The following SRSF6 variants were observed in gnomAD, a reference collection of about 807,000 sequenced individuals.
SRSF6 encodes the protein serine and arginine rich splicing factor 6.
Under a neutral mutation model 42.0 loss-of-function variants are expected in SRSF6, and 17 were observed. The observed-to-expected ratio is 0.40, with a 90% confidence interval of 0.28 to 0.61. SRSF6 has a LOEUF of 0.61. Among genes scored for constraint, SRSF6 ranks in the 20% least tolerant of loss-of-function variants. The pLI is 0.37. For synonymous variants in SRSF6, 204 were observed against 166.7 expected (o/e 1.22, Z -1.72); for missense variants, 379 against 471.4 (o/e 0.80, Z 1.81).
At chr20:43,459,690 G>A (rs2017552753) in intron 2 of SRSF6, 81 bp from the exon 3 acceptor site, 3 of 1,591,746 alleles carry the variant, frequency 1.9e-6, no homozygotes, top group Non-Finnish European at 2.6e-6. Flanking sequence ...AATAAAAGTT[G>A]ATATGTTTGT....
Position 43,457,979 on chromosome 20 carries a change from T to C in SRSF6, c.-55T>C. On this transcript the variant is annotated 5_prime_UTR_variant, in exon 1 of 6. Coordinates refer to ENST00000244020, the MANE Select transcript of SRSF6 (RefSeq NM_006275.6). Reference sequence around the variant, plus strand: ...GTCCCCGCACCCGCACCGCGGTTACTGGCTTGCGGTCCGCCGTTCGACAAC... The same window carrying C: ...GTCCCCGCACCCGCACCGCGGTTACCGGCTTGCGGTCCGCCGTTCGACAAC... 5 of 1,468,486 alleles carry C rather than the reference T, an allele frequency of 3.4e-6. 1 individual carries two copies. In the South Asian group the frequency reaches 4.7e-5, roughly 14 times the overall value. The allele number at this position is 1,468,486 out of a possible 1,614,324, so 91.0% of individuals were successfully genotyped here.
rs535197951 is a variant in SRSF6, at chr20:43,457,926, G to T, written c.-108G>T. ...GTGGCTGGACTCGGCCGCCCCTGTGGTGTGAGGCGCGTGTTCGGGCTCTTG... is the reference window on the plus strand; with the variant it reads ...GTGGCTGGACTCGGCCGCCCCTGTGTTGTGAGGCGCGTGTTCGGGCTCTTG... On this transcript the variant is annotated 5_prime_UTR_variant, in exon 1 of 6. Transcript: ENST00000244020. 1.4e-5 allele frequency: 13 copies of T among 919,700 alleles called. No homozygotes were observed. The highest frequency in any genetic ancestry group is 2.9e-5 in the South Asian group (2 of 68,054). 57.0% of individuals were successfully genotyped at this position (919,700 alleles called of 1,614,324 possible).
chr20:43,463,391 T>TG lies in SRSF6; in HGVS notation c.*2330dup, dbSNP rs1036972686. On this transcript the variant is annotated 3_prime_UTR_variant, in exon 6 of 6. Coordinates refer to ENST00000244020, the MANE Select transcript of SRSF6 (RefSeq NM_006275.6). ...GACATGCTCCATACCAGTGGCTAGA[T>TG]GGAGTATTAAGGTGGAGCAGAAAAG... 1.3e-5 allele frequency: 2 copies of TG among 154,842 alleles called. No homozygotes were observed. The highest frequency in any genetic ancestry group is 4.8e-5 in the African/African-American group (2 of 41,536). The allele number at this position is 154,842 out of a possible 1,614,324, so 9.6% of individuals were successfully genotyped here. A position where few individuals can be genotyped will look rare whatever the true frequency, so the allele number is the denominator to read the frequency against.
In SRSF6 at chr20:43,463,559, C is replaced by T. The variant is rs2145328795; in HGVS notation, c.*2496C>T. Reference sequence around the variant, plus strand: ...GTTACCACCTTCCTCCCGATTTGTTCACCTATTTTGTGCTTTAAATCTCAA... The same window carrying T: ...GTTACCACCTTCCTCCCGATTTGTTTACCTATTTTGTGCTTTAAATCTCAA... On this transcript the variant is annotated 3_prime_UTR_variant, in exon 6 of 6. Transcript: ENST00000244020. The T allele has an allele frequency of 6.5e-6, 1 of 152,890 alleles. No individual in the cohort carries two copies. The highest frequency in any genetic ancestry group is 1.9e-4 in the East Asian group (1 of 5,186). 9.5% of individuals were successfully genotyped at this position (152,890 alleles called of 1,614,324 possible).
chr20:43,460,412 A>G lies in SRSF6; in HGVS notation c.591-103A>G, dbSNP rs553767359. 2.7e-4 allele frequency: 368 copies of G among 1,381,564 alleles called. 7 individuals carry two copies. The South Asian group carries it at 4.3e-3, about 16-fold the overall frequency. The allele number at this position is 1,381,564 out of a possible 1,614,324, so 85.6% of individuals were successfully genotyped here. A position where few individuals can be genotyped will look rare whatever the true frequency, so the allele number is the denominator to read the frequency against. Reference sequence around the variant, plus strand: ...TTTTGAACAGTGTATTTAATTTCGTAGTAAAGAAAAACATTATTCTTTGGC... The same window carrying G: ...TTTTGAACAGTGTATTTAATTTCGTGGTAAAGAAAAACATTATTCTTTGGC... On this transcript the variant is annotated intron_variant, in intron 4 of 5. Transcript: ENST00000244020.
Position 43,457,958 on chromosome 20 carries a change from C to T in SRSF6, c.-76C>T, listed in dbSNP as rs1354212619. 23 of 1,286,256 alleles carry T rather than the reference C, an allele frequency of 1.8e-5. No individual in the cohort carries two copies. Among genetic ancestry groups the T allele is most frequent in the Non-Finnish European group, 2.3e-5 (21 of 905,862 alleles). 79.7% of individuals were successfully genotyped at this position (1,286,256 alleles called of 1,614,324 possible). ...GCGCGTGTTCGGGCTCTTGCCGTCCCCGCACCCGCACCGCGGTTACTGGCT... is the reference window on the plus strand; with the variant it reads ...GCGCGTGTTCGGGCTCTTGCCGTCCTCGCACCCGCACCGCGGTTACTGGCT... On this transcript the variant is annotated 5_prime_UTR_variant, in exon 1 of 6. Coordinates refer to ENST00000244020, the MANE Select transcript of SRSF6 (RefSeq NM_006275.6).
chr20:43,458,406 C>T lies in SRSF6; in HGVS notation c.153C>T (p.Ala51=), dbSNP rs2017533961. Residue 51 remains alanine, a synonymous_variant, in exon 2 of 6, where the codon GCC becomes GCT. Transcript: ENST00000244020. ...EFEDSRDADD[A]VYELNGKELC... ...AGGACTCCCGCGACGCCGACGACGCCGTTTACGAGCTGAACGGCAAGGAGC... is the reference window on the plus strand; with the variant it reads ...AGGACTCCCGCGACGCCGACGACGCTGTTTACGAGCTGAACGGCAAGGAGC... The T allele has an allele frequency of 6.4e-7, 1 of 1,554,490 alleles. No homozygotes were observed. The highest frequency in any genetic ancestry group is 8.7e-7 in the Non-Finnish European group (1 of 1,154,310).
chr20:43,459,102 G>A (rs1454062151), intron 2 of SRSF6: 23 of 1,342,694 alleles, frequency 1.7e-5, no homozygotes, highest in Non-Finnish European at 2.1e-5. Context: ...TTAAATTGTT[G>A]CATGTTGAAT....
At chr20:43,458,823 T>G (rs1568899753) in intron 2 of SRSF6, among the ~76,000 whole-genome samples, 1 of 150,676 alleles carries the variant, frequency 6.6e-6, no homozygotes, top group East Asian at 2.0e-4. Context: ...TTCTCCTTAC[T>G]TACCTATCAG....
chr20:43,458,751 C>T (rs889785532), intron 2 of SRSF6, among the ~76,000 whole-genome samples: 2 of 152,140 alleles, frequency 1.3e-5, no homozygotes, highest in Non-Finnish European at 1.5e-5. Context: ...CTTCTGGCCC[C>T]TTGTCAGCAC....
Position 43,458,042 on chromosome 20 carries a change from C to T in SRSF6, c.9C>T (p.Arg3=), listed in dbSNP as rs1437105286. 4.3e-6 allele frequency: 7 copies of T among 1,612,222 alleles called. No homozygotes were observed. In the African/African-American group the frequency reaches 5.4e-5, roughly 12 times the overall value. The change falls in exon 1 of 6, where the codon CGC becomes CGT. Residue 3 remains arginine (R), a synonymous_variant. Transcript: ENST00000244020. MP[R]VYIGRLSYNV... Reference sequence around the variant, plus strand: ...CCCCGCCCGCCACGGACATGCCGCGCGTCTACATAGGACGCCTGAGCTACA... The same window carrying T: ...CCCCGCCCGCCACGGACATGCCGCGTGTCTACATAGGACGCCTGAGCTACA...
At chr20:43,458,784 G>A (rs377536529) in intron 2 of SRSF6, among the ~76,000 whole-genome samples, 1 of 151,784 alleles carries the variant, frequency 6.6e-6, no homozygotes, top group South Asian at 2.1e-4. Context: ...TTCCCACAGA[G>A]GAAGTAAGGG....
At chr20:43,458,186 G>A in intron 1 of SRSF6, 46 bp downstream of exon 1, 1 of 1,585,054 alleles carries the variant, frequency 6.3e-7, no homozygotes. Flanking sequence ...AGGCCTGGTG[G>A]CGGCGGGAAC....
In SRSF6 at chr20:43,461,337, G is replaced by GTTTTTTTTTTTTTTTTTTTTTTTTTTTT. The variant is rs57110045; in HGVS notation, c.*284_*311dup. The GTTTTTTTTTTTTTTTTTTTTTTTTTTTT allele has an allele frequency of 2.5e-4, 11 of 43,768 alleles. No homozygotes were observed. The highest frequency in any genetic ancestry group is 8.2e-4 in the African/African-American group (10 of 12,192). 2.7% of individuals were successfully genotyped at this position (43,768 alleles called of 1,614,324 possible). ...GTAAAGATTAAGCTCATTTAGTGTT[G>GTTTTTTTTTTTTTTTTTTTTTTTTTTTT]TTTTTTTTTTTTTTTTTTTTTTTTT... On this transcript the variant is annotated 3_prime_UTR_variant, in exon 6 of 6. Transcript: ENST00000244020.
chr20:43,459,001 C>G (rs534958123), intron 2 of SRSF6, among the ~76,000 whole-genome samples: 1 of 152,034 alleles, frequency 6.6e-6, no homozygotes, highest in Non-Finnish European at 1.5e-5. Context: ...CAAAGTAGAT[C>G]TAAATAAGCT....
At chr20:43,458,210 A>T in intron 1 of SRSF6, 70 bp downstream of exon 1, 3 of 1,531,396 alleles carry the variant, frequency 2.0e-6, no homozygotes, top group Non-Finnish European at 1.8e-6. Context: ...CCAAGGAAAG[A>T]AGCGGCCAAG....
chr20:43,458,529 G>T lies in SRSF6; in HGVS notation c.256+20G>T, dbSNP rs1276370889. ...GCCGCAGTGAGTCCCACCCCCGCGC[G>T]CTCCGCGCCCTTGGGGACCCTGGGG... On this transcript the variant is annotated intron_variant, in intron 2 of 5. Transcript: ENST00000244020. 1.4e-6 allele frequency: 2 copies of T among 1,476,710 alleles called. No individual in the cohort carries two copies. Among genetic ancestry groups the T allele is most frequent in the African/African-American group, 1.5e-5 (1 of 67,748 alleles). The allele number at this position is 1,476,710 out of a possible 1,614,324, so 91.5% of individuals were successfully genotyped here. A position where few individuals can be genotyped will look rare whatever the true frequency, so the allele number is the denominator to read the frequency against.
chr20:43,461,367 T>A lies in SRSF6; in HGVS notation c.*304T>A. On this transcript the variant is annotated 3_prime_UTR_variant, in exon 6 of 6. Coordinates refer to ENST00000244020, the MANE Select transcript of SRSF6 (RefSeq NM_006275.6). ...TTTTTTTTTTTTTTTTTTTTTTTTT[T>A]TTTTTTTAGTATTTCAGCAGGATCT... 3 of 177,004 alleles carry A rather than the reference T, an allele frequency of 1.7e-5. No individual in the cohort carries two copies. Among genetic ancestry groups the A allele is most frequent in the Non-Finnish European group, 2.1e-5 (2 of 96,568 alleles). The allele number at this position is 177,004 out of a possible 1,614,324, so 11.0% of individuals were successfully genotyped here. A position where few individuals can be genotyped will look rare whatever the true frequency, so the allele number is the denominator to read the frequency against.
chr20:43,461,344 T>TTTTTTTTTTTTTTTTAGTA lies in SRSF6; in HGVS notation c.*296_*297insAGTATTTTTTTTTTTTTTT, dbSNP rs2017592480. On this transcript the variant is annotated 3_prime_UTR_variant, in exon 6 of 6. Transcript: ENST00000244020. The stretch of plus-strand genomic sequence containing the variant: ...TTAAGCTCATTTAGTGTTGTTTTTT[T>TTTTTTTTTTTTTTTTAGTA]TTTTTTTTTTTTTTTTTTTTTTTTT... 1 of 34,262 alleles carries TTTTTTTTTTTTTTTTAGTA rather than the reference T, an allele frequency of 2.9e-5. No homozygotes were observed. Among genetic ancestry groups the TTTTTTTTTTTTTTTTAGTA allele is most frequent in the African/African-American group, 8.5e-5 (1 of 11,738 alleles). The allele number at this position is 34,262 out of a possible 1,614,324, so 2.1% of individuals were successfully genotyped here.
Sources: allele counts gnomAD v4.1 joint callset (sites outside exome capture counted in the v4.1 genomes callset), GRCh38; gene constraint gnomAD v4.1.1; transcripts MANE v1.5; gene names NCBI Gene and HGNC (gene_info 2026-07-23, HGNC 2026-07-21).